Variants in TSPAN7 observed in about 807,000 individuals in gnomAD.
The protein encoded by TSPAN7 is tetraspanin-7.
A neutral mutation model predicts 17.6 loss-of-function variants in TSPAN7; 1 was observed. The ratio of observed to expected loss-of-function variants is 0.06; its 90% CI spans 0.02 to 0.27. TSPAN7 has a LOEUF of 0.27. Ranked by LOEUF, TSPAN7 falls within the 10% of genes least tolerant of loss-of-function variation. The probability of loss-of-function intolerance (pLI) is 1.00; values close to 1 mark genes in which losing one functional copy is unlikely to be tolerated. For missense variants in TSPAN7, 112 were observed against 201.7 expected (o/e 0.56, Z 2.69); for synonymous variants, 78 against 79.0 (o/e 0.99, Z 0.07).
intron 1 of TSPAN7, among the ~76,000 whole-genome samples, chrX:38,663,897 C>T (rs976262505): frequency 8.9e-5 from 10 of 112,363 alleles, no homozygotes; most frequent in Non-Finnish European, 1.7e-4. Context: ...CCAATAAGGA[C>T]CAGCAATAGC....
chrX:38,614,663 G>T (rs1176770288), intron 1 of TSPAN7, among the ~76,000 whole-genome samples: 1 of 112,820 alleles, frequency 8.9e-6, no homozygotes, highest in Non-Finnish European at 1.9e-5. Flanking sequence ...TTCCCCAGCT[G>T]CAGGGACTCT....
intron 1 of TSPAN7, among the ~76,000 whole-genome samples, chrX:38,565,420 G>A (rs7058509): frequency 0.13 from 14,929 of 110,749 alleles, 1,728 homozygotes; most frequent in African/African-American, 0.37. Context: ...AGTAGAGACG[G>A]GGTTTCACCA....
intron 1 of TSPAN7, among the ~76,000 whole-genome samples, chrX:38,595,065 A>G (rs2069311383): frequency 9.0e-6 from 1 of 111,273 alleles, no homozygotes; most frequent in African/African-American, 3.3e-5. Context: ...TGTAATTGCA[A>G]ACTATTTTTA....
At chrX:38,587,057 G>A in intron 1 of TSPAN7, among the ~76,000 whole-genome samples, 1 of 112,203 alleles carries the variant, frequency 8.9e-6, no homozygotes, top group South Asian at 3.7e-4. Flanking sequence ...GACAATGTCT[G>A]GAAAGATCTT....
chrX:38,612,289 C>T (rs895849388), intron 1 of TSPAN7: 10 of 111,992 alleles, frequency 8.9e-5, no homozygotes, highest in Non-Finnish European at 1.7e-4. Flanking sequence ...TCTTTGATGC[C>T]TGCCTCCAGT....
chrX:38,590,122 C>T (rs1350511504), intron 1 of TSPAN7, among the ~76,000 whole-genome samples: 1 of 111,139 alleles, frequency 9.0e-6, no homozygotes, highest in Non-Finnish European at 1.9e-5. Context: ...TTTTTTGTGA[C>T]TTTTTTTTGT....
intron 1 of TSPAN7, among the ~76,000 whole-genome samples, chrX:38,563,683 G>A (rs2069126874): frequency 9.0e-6 from 1 of 111,250 alleles, no homozygotes. Context: ...AACAATCACT[G>A]CATTTTATGT....
intron 1 of TSPAN7, among the ~76,000 whole-genome samples, chrX:38,607,521 C>T (rs112411023): frequency 0.012 from 1,369 of 111,383 alleles, 17 homozygotes; most frequent in African/African-American, 0.042. Context: ...CCGGACCCCA[C>T]ACGCAGAGCT....
intron 1 of TSPAN7, among the ~76,000 whole-genome samples, chrX:38,588,099 G>A (rs565506511): frequency 1.8e-5 from 2 of 111,074 alleles, no homozygotes; most frequent in East Asian, 2.9e-4. Flanking sequence ...TGATAAGTGT[G>A]TCTATCTGCT....
chrX:38,639,476 A>G (rs1209041105), intron 1 of TSPAN7, among the ~76,000 whole-genome samples: 1 of 98,794 alleles, frequency 1.0e-5, no homozygotes, highest in Non-Finnish European at 2.0e-5. Context: ...TCTCTTGTTC[A>G]TCCCCAGCCA....
At chrX:38,652,675 G>C (rs748312809) in intron 1 of TSPAN7, among the ~76,000 whole-genome samples, 2 of 112,513 alleles carry the variant, frequency 1.8e-5, no homozygotes, top group Non-Finnish European at 3.8e-5. Context: ...ATAAAATGGA[G>C]TATGCCCAAT....
chrX:38,593,934 T>G (rs2069305266), intron 1 of TSPAN7, among the ~76,000 whole-genome samples: 1 of 112,725 alleles, frequency 8.9e-6, no homozygotes, highest in Non-Finnish European at 1.9e-5. Context: ...TGTCCATCTA[T>G]TCATTCATCT....
chrX:38,643,080 G>A (rs1364980269), intron 1 of TSPAN7, among the ~76,000 whole-genome samples: 1 of 110,708 alleles, frequency 9.0e-6, no homozygotes, highest in East Asian at 2.8e-4. Flanking sequence ...CAGATGATGA[G>A]GAAAGACACA....
intron 1 of TSPAN7, among the ~76,000 whole-genome samples, chrX:38,574,768 C>T (rs761889868): frequency 7.2e-5 from 8 of 110,475 alleles, no homozygotes; most frequent in South Asian, 3.9e-4. Flanking sequence ...GAGATATTTT[C>T]GGGAGGGAAA....
chrX:38,594,503 C>T (rs2069308569), intron 1 of TSPAN7, among the ~76,000 whole-genome samples: 1 of 111,241 alleles, frequency 9.0e-6, no homozygotes, highest in Admixed American at 9.6e-5. Flanking sequence ...TCTTAGCACC[C>T]CTTCCCATCC....
intron 5 of TSPAN7, among the ~76,000 whole-genome samples, chrX:38,679,731 GAGAAA>G (rs756013513): frequency 9.8e-6 from 1 of 102,040 alleles, no homozygotes; most frequent in Non-Finnish European, 2.0e-5. Context: ...AAAAAAAAAA[GAGAAA>G]AGAAAAGAAA....
chrX:38,609,657 T>C (rs1416178616), intron 1 of TSPAN7, among the ~76,000 whole-genome samples: 1 of 108,281 alleles, frequency 9.2e-6, no homozygotes, highest in East Asian at 2.9e-4. Context: ...TATATGTATA[T>C]AATTAAAGTA....
chrX:38,600,898 T>C (rs754341), intron 1 of TSPAN7, among the ~76,000 whole-genome samples: 4,368 of 111,830 alleles, frequency 0.039, 194 homozygotes, highest in African/African-American at 0.13. Context: ...GTGGGAGTGG[T>C]GTTTTCATGA....
chrX:38,649,934 G>A (rs1407990490), intron 1 of TSPAN7, among the ~76,000 whole-genome samples: 1 of 111,850 alleles, frequency 8.9e-6, no homozygotes, highest in Non-Finnish European at 1.9e-5. Context: ...GATGGCTTCC[G>A]GGAGGTCACC....
Sources: allele counts gnomAD v4.1 joint callset (sites outside exome capture counted in the v4.1 genomes callset), GRCh38; gene constraint gnomAD v4.1.1; transcripts MANE v1.5; gene names NCBI Gene and HGNC (gene_info 2026-07-23, HGNC 2026-07-21).